Variants in RAD51B observed in about 807,000 individuals in gnomAD.
The protein encoded by RAD51B is RAD51 paralog B.
Under a neutral mutation model 42.2 loss-of-function variants are expected in RAD51B, and 38 were observed. That is an observed-to-expected ratio of 0.90 (90% confidence interval 0.70 to 1.18). The LOEUF (loss-of-function observed/expected upper bound fraction) is 1.18, where lower values mean the gene tolerates loss of function less well. RAD51B is among the 50% of genes most tolerant of loss of function. The pLI is 0.00. For missense variants in RAD51B, 373 were observed against 400.7 expected (o/e 0.93, Z 0.59); for synonymous variants, 154 against 145.2 (o/e 1.06, Z -0.43).
At chr14:67,860,853 A>G (rs554331925) in intron 4 of RAD51B, among the ~76,000 whole-genome samples, 1 of 152,308 alleles carries the variant, frequency 6.6e-6, no homozygotes, top group East Asian at 1.9e-4. Context: ...TCAGATATGC[A>G]AAGAGAGTAT....
intron 3 of RAD51B, 145 bp from the exon 4 acceptor site, chr14:67,834,935 A>G: frequency 1.6e-6 from 1 of 630,156 alleles, no homozygotes; most frequent in Non-Finnish European, 2.8e-6. Flanking sequence ...CCTGGCACAG[A>G]GTAAATATTT....
chr14:68,105,383 T>C (rs1407721702), intron 7 of RAD51B, among the ~76,000 whole-genome samples: 1 of 152,042 alleles, frequency 6.6e-6, no homozygotes, highest in African/African-American at 2.4e-5. Context: ...TGTATATGCA[T>C]GATTTTATGT....
intron 11 of RAD51B, among the ~76,000 whole-genome samples, chr14:68,682,525 G>T (rs1418546319): frequency 6.6e-6 from 1 of 152,086 alleles, no homozygotes; most frequent in African/African-American, 2.4e-5. Flanking sequence ...CTGGTTCCAT[G>T]TTTTGTAATA....
intron 7 of RAD51B, among the ~76,000 whole-genome samples, chr14:68,252,479 T>G (rs191212347): frequency 6.6e-6 from 1 of 152,340 alleles, no homozygotes; most frequent in African/African-American, 2.4e-5. Context: ...TCACCACCCT[T>G]CCGTCCATCA....
chr14:67,943,147 C>T (rs1367076810), intron 7 of RAD51B, among the ~76,000 whole-genome samples: 1 of 151,826 alleles, frequency 6.6e-6, no homozygotes, highest in Non-Finnish European at 1.5e-5. Context: ...AAAAGTGATT[C>T]TAAAGGACAT....
chr14:67,959,863 T>G (rs1418884618), intron 7 of RAD51B, among the ~76,000 whole-genome samples: 1 of 152,130 alleles, frequency 6.6e-6, no homozygotes. Flanking sequence ...GTGGATCACT[T>G]GCGGTCAGGA....
intron 8 of RAD51B, among the ~76,000 whole-genome samples, chr14:68,401,726 T>C (rs770175996): frequency 2.0e-5 from 3 of 152,164 alleles, no homozygotes; most frequent in Non-Finnish European, 4.4e-5. Flanking sequence ...GGGTAAATGG[T>C]ATTAGTTGAA....
chr14:68,062,526 G>A (rs945524362), intron 7 of RAD51B, among the ~76,000 whole-genome samples: 1 of 152,102 alleles, frequency 6.6e-6, no homozygotes, highest in African/African-American at 2.4e-5. Flanking sequence ...AGGTGCGGTG[G>A]CTCATGCCTG....
chr14:68,499,315 G>T (rs1024808620), intron 10 of RAD51B, among the ~76,000 whole-genome samples: 3 of 152,176 alleles, frequency 2.0e-5, no homozygotes, highest in East Asian at 3.8e-4. Flanking sequence ...CCCTGCCAAT[G>T]AGTAAAGAAT....
intron 8 of RAD51B, among the ~76,000 whole-genome samples, chr14:68,378,992 G>T (rs1213006610): frequency 6.6e-6 from 1 of 152,106 alleles, no homozygotes; most frequent in Non-Finnish European, 1.5e-5. Context: ...TCCCAACAAT[G>T]CTTCTTCATC....
At chr14:67,850,402 G>A (rs894714189) in intron 4 of RAD51B, among the ~76,000 whole-genome samples, 1 of 151,944 alleles carries the variant, frequency 6.6e-6, no homozygotes, top group Non-Finnish European at 1.5e-5. Flanking sequence ...TCACTAAAGG[G>A]TGTGACTTAA....
At chr14:68,469,470 C>T (rs776165727) in intron 10 of RAD51B, among the ~76,000 whole-genome samples, 5 of 152,242 alleles carry the variant, frequency 3.3e-5, no homozygotes, top group South Asian at 4.1e-4. Flanking sequence ...GTGAGAACTA[C>T]GACCTTTGGC....
chr14:68,260,320 G>GTGTGTGTGTGTGTGTGTGTGTGTGTGTGT (rs1566766533), intron 7 of RAD51B, among the ~76,000 whole-genome samples: 1 of 15,012 alleles, frequency 6.7e-5, no homozygotes, highest in African/African-American at 6.6e-4. Context: ...TGTGTGTGTG[G>GTGTGTGTGTGTGTGTGTGTGTGTGTGTGT]AGAGGGGAAG....
chr14:67,831,305 A>G (rs1419669066), intron 3 of RAD51B, among the ~76,000 whole-genome samples: 3 of 152,224 alleles, frequency 2.0e-5, no homozygotes, highest in African/African-American at 7.2e-5. Context: ...TGATAGTTAA[A>G]GCTATCAGAA....
chr14:68,435,555 A>C (rs902067940), intron 9 of RAD51B, among the ~76,000 whole-genome samples: 3 of 139,192 alleles, frequency 2.2e-5, no homozygotes, highest in African/African-American at 8.2e-5. Context: ...CAGCAATGGG[A>C]TTGCTAAGTC....
intron 10 of RAD51B, among the ~76,000 whole-genome samples, chr14:68,574,934 G>A (rs560271112): frequency 6.6e-6 from 1 of 152,254 alleles, no homozygotes. Context: ...GAGAGGTTGG[G>A]GATGAGCAGT....
intron 7 of RAD51B, among the ~76,000 whole-genome samples, chr14:68,126,362 TA>T (rs1459232436): frequency 6.6e-6 from 1 of 152,230 alleles, no homozygotes; most frequent in Non-Finnish European, 1.5e-5. Context: ...AAAAGTCTCA[TA>T]CTCAGCAGTT....
intron 7 of RAD51B, among the ~76,000 whole-genome samples, chr14:68,045,097 G>T (rs997066071): frequency 6.6e-6 from 1 of 151,822 alleles, no homozygotes; most frequent in East Asian, 1.9e-4. Context: ...TTAGCCAGGT[G>T]TGGTGGTGCA....
chr14:68,256,936 A>G (rs1262409676), intron 7 of RAD51B, among the ~76,000 whole-genome samples: 1 of 152,246 alleles, frequency 6.6e-6, no homozygotes, highest in Non-Finnish European at 1.5e-5. Context: ...AGCAAAGCTC[A>G]TATTTTAACA....
Sources: allele counts gnomAD v4.1 joint callset (sites outside exome capture counted in the v4.1 genomes callset), GRCh38; gene constraint gnomAD v4.1.1; transcripts MANE v1.5; gene names NCBI Gene and HGNC (gene_info 2026-07-23, HGNC 2026-07-21).